CTNND2: variants seen among roughly 807,000 people sequenced by gnomAD.
The protein encoded by CTNND2 is catenin delta 2, also known as catenin delta-2.
A neutral mutation model predicts 144.4 loss-of-function variants in CTNND2; 22 were observed. The observed-to-expected ratio is 0.15, with a 90% CI of 0.11 to 0.22. The LOEUF (loss-of-function observed/expected upper bound fraction) is 0.22. CTNND2 is among the 10% of genes least tolerant of loss of function. CTNND2 has a pLI of 1.00. For synonymous variants in CTNND2, 751 were observed against 695.6 expected (o/e 1.08, Z -1.25); for missense variants, 1,353 against 1,618.8 (o/e 0.84, Z 2.82).
chr5:11,188,776 T>G (rs1364122059), intron 11 of CTNND2, among the ~76,000 whole-genome samples: 1 of 152,190 alleles, frequency 6.6e-6, no homozygotes, highest in Admixed American at 6.5e-5. Flanking sequence ...CTGAAGACTC[T>G]ATGGGATACA....
intron 1 of CTNND2, among the ~76,000 whole-genome samples, chr5:11,800,156 A>C (rs1315748373): frequency 1.3e-5 from 2 of 152,186 alleles, no homozygotes; most frequent in Admixed American, 1.3e-4. Context: ...TCTGAAACAT[A>C]ATAAGTGTTG....
At chr5:11,237,082 C>T (rs959465686) in intron 9 of CTNND2, among the ~76,000 whole-genome samples, 9 of 148,824 alleles carry the variant, frequency 6.0e-5, no homozygotes, top group South Asian at 2.1e-4. Context: ...TGCAGTGGAG[C>T]GATCTCAGCT....
intron 2 of CTNND2, among the ~76,000 whole-genome samples, chr5:11,721,011 C>A (rs1786644592): frequency 6.6e-6 from 1 of 152,228 alleles, no homozygotes; most frequent in Non-Finnish European, 1.5e-5. Context: ...CAAACTTGTA[C>A]ACAAATATTC....
In CTNND2 at chr5:10,992,686, C is replaced by T. The variant is rs911640662; in HGVS notation, c.3085-9G>A. 1.2e-6 allele frequency: 2 copies of T among 1,613,586 alleles called. No individual in the cohort carries two copies. Among genetic ancestry groups the T allele is most frequent in the Non-Finnish European group, 1.7e-6 (2 of 1,179,792 alleles). On this transcript the variant is annotated splice_polypyrimidine_tract_variant and intron_variant, in intron 18 of 21. Coordinates refer to ENST00000304623, the MANE Select transcript of CTNND2 (RefSeq NM_001332.4). ...TATTGTGACCATCCATCCTGCAAAA[C>T]ACAGCACGCTCCTGTTAGATGGGCA...
chr5:11,798,175 T>C (rs888941219), intron 1 of CTNND2, among the ~76,000 whole-genome samples: 1 of 150,946 alleles, frequency 6.6e-6, no homozygotes, highest in Non-Finnish European at 1.5e-5. Flanking sequence ...GAAAGGAGAA[T>C]CGCTGGAACC....
At chr5:11,530,485 T>C (rs1435762033) in intron 3 of CTNND2, among the ~76,000 whole-genome samples, 2 of 152,044 alleles carry the variant, frequency 1.3e-5, no homozygotes, top group South Asian at 2.1e-4. Context: ...TTCCAGGAGG[T>C]AGAAGAGGCT....
chr5:11,439,942 A>T (rs1369807768), intron 3 of CTNND2, among the ~76,000 whole-genome samples: 2 of 151,784 alleles, frequency 1.3e-5, no homozygotes, highest in Non-Finnish European at 2.9e-5. Flanking sequence ...AATTGCTGGG[A>T]TTACAGCCTT....
At chr5:11,063,685 T>C (rs1938778489) in intron 16 of CTNND2, among the ~76,000 whole-genome samples, 1 of 152,100 alleles carries the variant, frequency 6.6e-6, no homozygotes, top group African/African-American at 2.4e-5. Flanking sequence ...TAAACCACTG[T>C]GGTATCCAGA....
chr5:11,185,244 GGCCCTCTCTCCAT>G (rs763465442), intron 11 of CTNND2, among the ~76,000 whole-genome samples: 3 of 152,058 alleles, frequency 2.0e-5, no homozygotes, highest in Admixed American at 6.6e-5. Flanking sequence ...AAGCTCCTCT[GGCCCTCTCTCCAT>G]GCTTTTCTTA....
chr5:11,070,220 G>A (rs1748107578), intron 16 of CTNND2, among the ~76,000 whole-genome samples: 1 of 151,946 alleles, frequency 6.6e-6, no homozygotes, highest in South Asian at 2.1e-4. Flanking sequence ...GTGAGATAAT[G>A]GACAACATGC....
chr5:11,153,582 C>A (rs1363523974), intron 12 of CTNND2, among the ~76,000 whole-genome samples: 1 of 152,120 alleles, frequency 6.6e-6, no homozygotes, highest in Non-Finnish European at 1.5e-5. Flanking sequence ...GAATTAGAGG[C>A]ACCGTGGGAC....
At chr5:11,552,598 T>C (rs1299737482) in intron 3 of CTNND2, among the ~76,000 whole-genome samples, 2 of 152,216 alleles carry the variant, frequency 1.3e-5, no homozygotes, top group East Asian at 1.9e-4. Context: ...GAAACTGAGA[T>C]ACAGAAATCC....
intron 2 of CTNND2, among the ~76,000 whole-genome samples, chr5:11,609,661 A>C (rs1275863597): frequency 2.6e-5 from 4 of 152,228 alleles, no homozygotes; most frequent in South Asian, 2.1e-4. Context: ...ATAAGGCCCA[A>C]CACTGACAAG....
chr5:11,790,638 C>G (rs1399650663), intron 1 of CTNND2, among the ~76,000 whole-genome samples: 1 of 152,096 alleles, frequency 6.6e-6, no homozygotes, highest in Non-Finnish European at 1.5e-5. Flanking sequence ...ATATGTCAGC[C>G]TTGGTCTCTG....
rs575294557 is a variant in CTNND2, at chr5:11,408,440, GAAT to G, written c.439+3093_439+3095del. Among the ~76,000 whole-genome samples the G allele has an allele frequency of 1.2e-3, 175 of 152,146 alleles. 1 individual carries two copies. The highest frequency in any genetic ancestry group is 3.5e-3 in the African/African-American group (146 of 41,514). On this transcript the variant is annotated intron_variant, in intron 5 of 21. Coordinates refer to ENST00000304623, the MANE Select transcript of CTNND2 (RefSeq NM_001332.4). Reference sequence around the variant, plus strand: ...TATGTTAAGGGCAAATGGTTCTTAAGAATAATAATATTCTTTATGTGACTGTGG... The same window carrying G: ...TATGTTAAGGGCAAATGGTTCTTAAGAATAATATTCTTTATGTGACTGTGG...
chr5:11,293,035 T>C (rs1041016217), intron 9 of CTNND2, among the ~76,000 whole-genome samples: 3 of 152,246 alleles, frequency 2.0e-5, no homozygotes, highest in African/African-American at 7.2e-5. Flanking sequence ...AGTTATTTAA[T>C]GCTCACAATG....
intron 2 of CTNND2, among the ~76,000 whole-genome samples, chr5:11,595,143 C>T (rs1474936268): frequency 6.6e-6 from 1 of 152,092 alleles, no homozygotes; most frequent in Non-Finnish European, 1.5e-5. Flanking sequence ...ATCTGTAATC[C>T]AGCAGTTATC....
At chr5:11,069,233 C>T (rs1395640117) in intron 16 of CTNND2, among the ~76,000 whole-genome samples, 1 of 152,172 alleles carries the variant, frequency 6.6e-6, no homozygotes, top group Non-Finnish European at 1.5e-5. Context: ...TGGTGTTGTA[C>T]ACAGCATTCC....
intron 2 of CTNND2, among the ~76,000 whole-genome samples, chr5:11,585,280 G>A (rs1172776510): frequency 2.0e-5 from 3 of 152,122 alleles, no homozygotes; most frequent in Admixed American, 6.5e-5. Context: ...TCTGCTGCCT[G>A]TAACTGACCA....
Sources: allele counts gnomAD v4.1 joint callset (sites outside exome capture counted in the v4.1 genomes callset), GRCh38; gene constraint gnomAD v4.1.1; transcripts MANE v1.5; gene names NCBI Gene and HGNC (gene_info 2026-07-23, HGNC 2026-07-21).